FMO3: variants seen among roughly 807,000 people sequenced by gnomAD.
FMO3 encodes the protein flavin containing dimethylaniline monoxygenase 3, also known as flavin-containing monooxygenase 3.
A neutral mutation model predicts 39.4 loss-of-function variants in FMO3; 40 were observed. The ratio of observed to expected loss-of-function variants is 1.02; its 90% CI spans 0.79 to 1.32. FMO3 has a LOEUF of 1.32. FMO3 is among the 40% of genes most tolerant of loss of function. The probability of loss-of-function intolerance (pLI) is 0.00; values close to 1 mark genes in which losing one functional copy is unlikely to be tolerated. For missense variants in FMO3, 680 were observed against 651.8 expected, an observed-to-expected ratio of 1.04 and a Z score of -0.47; for synonymous variants, 219 against 228.8, an observed-to-expected ratio of 0.96 and a Z score of 0.39.
At chr1:171,096,987 G>A (rs1458820359) in intron 2 of FMO3, among the ~76,000 whole-genome samples, 4 of 148,606 alleles carry the variant, frequency 2.7e-5, no homozygotes, top group African/African-American at 9.9e-5. Flanking sequence ...TCCCCTTCCT[G>A]TGTCCAAGTG....
At chr1:171,096,186 A>T (rs1453439086) in intron 2 of FMO3, among the ~76,000 whole-genome samples, 6 of 87,600 alleles carry the variant, frequency 6.8e-5, no homozygotes, top group Non-Finnish European at 7.8e-5. Flanking sequence ...ATAATATATT[A>T]ATATATATTT....
chr1:171,117,255 T>G lies in FMO3; in HGVS notation c.1412T>G (p.Phe471Cys), dbSNP rs1479550230. The change falls in exon 9 of 9, where the codon TTT becomes TGT. Residue 471 changes from phenylalanine (F) to cysteine (C), a missense_variant. Coordinates refer to ENST00000367755, the MANE Select transcript of FMO3 (RefSeq NM_001002294.3). Reference protein sequence around the residue: ...VYFGPCSPYQFRLVGPGQWPG... With the variant: ...VYFGPCSPYQCRLVGPGQWPG... ...TTTGGCCCTTGTAGTCCCTACCAGT[T>G]TAGGCTGGTGGGCCCAGGGCAGTGG... 2 of 1,614,034 alleles carry G rather than the reference T, an allele frequency of 1.2e-6. No individual in the cohort carries two copies. Among genetic ancestry groups the G allele is most frequent in the South Asian group, 1.1e-5 (1 of 91,092 alleles).
intron 2 of FMO3, among the ~76,000 whole-genome samples, chr1:171,095,653 T>C (rs1024022952): frequency 2.7e-5 from 4 of 148,706 alleles, no homozygotes; most frequent in Non-Finnish European, 1.5e-5. Context: ...ATCATTCTTA[T>C]TAATATAGAT....
rs1184684149 is a variant in FMO3, at chr1:171,114,365, A to C, written c.1183+3A>C. ...CTGGGCAGCACAAGTAATAAAGGGTAAGTCAATAAAGAGGCTCATGGATTG... is the reference window on the plus strand; with the variant it reads ...CTGGGCAGCACAAGTAATAAAGGGTCAGTCAATAAAGAGGCTCATGGATTG... On this transcript the variant is annotated splice_donor_region_variant and intron_variant, in intron 7 of 8. Coordinates refer to ENST00000367755, the MANE Select transcript of FMO3 (RefSeq NM_001002294.3). 2 of 1,600,236 alleles carry C rather than the reference A, an allele frequency of 1.2e-6. No individual in the cohort carries two copies. Among genetic ancestry groups the C allele is most frequent in the South Asian group, 1.1e-5 (1 of 90,608 alleles).
rs140477494 is a variant in FMO3, at chr1:171,101,341, C to T, written c.133-2444C>T. 9.6e-3 allele frequency: 3,899 copies of T among 404,074 alleles called. 34 individuals carry two copies. The highest frequency in any genetic ancestry group is 0.012 in the Non-Finnish European group (2,531 of 203,660). 25.0% of individuals were successfully genotyped at this position (404,074 alleles called of 1,614,324 possible). A position where few individuals can be genotyped will look rare whatever the true frequency, so the allele number is the denominator to read the frequency against. The stretch of plus-strand genomic sequence containing the variant: ...TTACAGCAGCCACAAGAAACTAATA[C>T]CTTTGGTTTTTCAGCGTTTCCTATT... On this transcript the variant is annotated intron_variant, in intron 2 of 8. Coordinates refer to ENST00000367755, the MANE Select transcript of FMO3 (RefSeq NM_001002294.3).
In FMO3 at chr1:171,092,793, G is replaced by A. The variant is rs1023133285; in HGVS notation, c.132+3G>A. Reference sequence around the variant, plus strand: ...TTGGGGGCCTGTGGAAATTTTCAGTGAGTAGCATGTTGTTGTAATAGACAG... The same window carrying A: ...TTGGGGGCCTGTGGAAATTTTCAGTAAGTAGCATGTTGTTGTAATAGACAG... On this transcript the variant is annotated splice_donor_region_variant and intron_variant, in intron 2 of 8. Transcript: ENST00000367755. 2 of 1,613,768 alleles carry A rather than the reference G, an allele frequency of 1.2e-6. No individual in the cohort carries two copies. The highest frequency in any genetic ancestry group is 1.7e-6 in the Non-Finnish European group (2 of 1,179,896).
chr1:171,098,354 G>A (rs1655201784), intron 2 of FMO3, among the ~76,000 whole-genome samples: 1 of 152,098 alleles, frequency 6.6e-6, no homozygotes, highest in Admixed American at 6.6e-5. Flanking sequence ...GATGGGGATG[G>A]CATTGAATCT....
chr1:171,113,026 G>C (rs1217933013), intron 6 of FMO3, among the ~76,000 whole-genome samples: 1 of 152,170 alleles, frequency 6.6e-6, no homozygotes, highest in Non-Finnish European at 1.5e-5. Flanking sequence ...GAGTAAAAGG[G>C]AAAGTGAGGG....
chr1:171,103,458 C>G (rs138374892), intron 2 of FMO3, among the ~76,000 whole-genome samples: 1 of 152,010 alleles, frequency 6.6e-6, no homozygotes, highest in Non-Finnish European at 1.5e-5. Flanking sequence ...TTCAACCCAC[C>G]ATTGATTTAA....
At chr1:171,091,780 G>A (rs991960291) in intron 1 of FMO3, among the ~76,000 whole-genome samples, 1 of 152,052 alleles carries the variant, frequency 6.6e-6, no homozygotes, top group Non-Finnish European at 1.5e-5. Context: ...TTGAGAAGGT[G>A]AAGTACATTA....
At chr1:171,104,366 T>C (rs1487196897) in intron 3 of FMO3, among the ~76,000 whole-genome samples, 1 of 151,992 alleles carries the variant, frequency 6.6e-6, no homozygotes, top group Non-Finnish European at 1.5e-5. Context: ...GTGGGAAACA[T>C]AGGAAGCTAT....
chr1:171,107,506 A>T (rs1655696896), intron 3 of FMO3, among the ~76,000 whole-genome samples, 169 bp from the exon 4 acceptor site: 1 of 152,252 alleles, frequency 6.6e-6, no homozygotes, highest in African/African-American at 2.4e-5. Context: ...AGGGACAAAT[A>T]GACAGATACC....
intron 2 of FMO3, among the ~76,000 whole-genome samples, chr1:171,096,025 A>ATATATAAATATATAATATATATT (rs1491256935): frequency 0.021 from 937 of 45,560 alleles, 63 homozygotes; most frequent in African/African-American, 0.069. Context: ...ATTATATATT[A>ATATATAAATATATAATATATATT]ATATATAATA....
At chr1:171,104,458 T>A (rs1017721923) in intron 3 of FMO3, among the ~76,000 whole-genome samples, 107 of 151,572 alleles carry the variant, frequency 7.1e-4, no homozygotes, top group Non-Finnish European at 2.2e-4. Flanking sequence ...TTTAAAAAAA[T>A]TAGTAAAAGA....
At chr1:171,095,177 G>C (rs1007069001) in intron 2 of FMO3, among the ~76,000 whole-genome samples, 1 of 152,022 alleles carries the variant, frequency 6.6e-6, no homozygotes, top group African/African-American at 2.4e-5. Flanking sequence ...CATTGTTGTT[G>C]GCTTTTCCCA....
chr1:171,095,866 T>C (rs1456686370), intron 2 of FMO3, among the ~76,000 whole-genome samples: 2 of 109,400 alleles, frequency 1.8e-5, no homozygotes, highest in African/African-American at 7.2e-5. Flanking sequence ...ATAATATAAA[T>C]ATATATAAAA....
At position 171,116,264 on chromosome 1, in the gene FMO3, G is replaced by T; in HGVS notation, c.1240G>T (p.Glu414Ter). 6.3e-7 allele frequency: 1 copy of T among 1,591,264 alleles called. No homozygotes were observed. Among genetic ancestry groups the T allele is most frequent in the East Asian group, 2.2e-5 (1 of 44,622 alleles). Residue 414 changes from glutamate to a stop codon, truncating the protein, a stop_gained, in exon 8 of 9, where the codon GAG (glutamate) becomes TAG (stop). Coordinates refer to ENST00000367755, the MANE Select transcript of FMO3 (RefSeq NM_001002294.3). LOFTEE classifies it low-confidence loss of function (END_TRUNC). ...GATGAATGATATTAATGAGAAAATGGAGAAAAAGCGCAAATGGTAAGAGTA... is the reference window on the plus strand; with the variant it reads ...GATGAATGATATTAATGAGAAAATGTAGAAAAAGCGCAAATGGTAAGAGTA... Reference protein sequence around the residue: ...DMMNDINEKMEKKRKWFGKSE... With the variant: ...DMMNDINEKM
At position 171,117,559 on chromosome 1, in the gene FMO3, C is replaced by G. The variant is rs1432352719; in HGVS notation, c.*117C>G. 1 of 732,132 alleles carries G rather than the reference C, an allele frequency of 1.4e-6. No homozygotes were observed. Among genetic ancestry groups the G allele is most frequent in the East Asian group, 2.7e-5 (1 of 37,528 alleles). 45.4% of individuals were successfully genotyped at this position (732,132 alleles called of 1,614,324 possible). A position where few individuals can be genotyped will look rare whatever the true frequency, so the allele number is the denominator to read the frequency against. On this transcript the variant is annotated 3_prime_UTR_variant, in exon 9 of 9. Coordinates refer to ENST00000367755, the MANE Select transcript of FMO3 (RefSeq NM_001002294.3). Reference sequence around the variant, plus strand: ...TTTCTATTCAGCATCTTTTGCAGTACTCTGTAGACATTAGTCAGTAATACA... The same window carrying G: ...TTTCTATTCAGCATCTTTTGCAGTAGTCTGTAGACATTAGTCAGTAATACA...
In FMO3 at chr1:171,092,730, G is replaced by C; in HGVS notation, c.72G>C (p.Glu24Asp). 1 of 1,614,146 alleles carries C rather than the reference G, an allele frequency of 6.2e-7. No homozygotes were observed. The highest frequency in any genetic ancestry group is 8.5e-7 in the Non-Finnish European group (1 of 1,179,998). The change falls in exon 2 of 9, where the codon GAG (glutamate) becomes GAC (aspartate). Residue 24 changes from glutamate to aspartate, a missense_variant. Coordinates refer to ENST00000367755, the MANE Select transcript of FMO3 (RefSeq NM_001002294.3). ...GLASIRSCLEEGLEPTCFEKS... is the reference protein window; with the variant it reads ...GLASIRSCLEDGLEPTCFEKS... ...CCTCCATCAGGAGCTGTCTGGAAGA[G>C]GGGCTGGAGCCCACCTGCTTTGAGA... is the stretch of plus-strand genomic sequence containing the variant.
Sources: allele counts gnomAD v4.1 joint callset (sites outside exome capture counted in the v4.1 genomes callset), GRCh38; gene constraint gnomAD v4.1.1; transcripts MANE v1.5; gene names NCBI Gene and HGNC (gene_info 2026-07-23, HGNC 2026-07-21).